H2BW1: variants seen among roughly 807,000 people sequenced by gnomAD.
The protein encoded by H2BW1 is histone H2B type W-T.
H2BW1 carries 9 observed loss-of-function variants against 8.0 expected under a neutral mutation model. That is an observed-to-expected ratio of 1.13 (90% CI 0.68 to 1.97). The LOEUF is 1.97. Ranked by LOEUF, H2BW1 falls within the 30% of genes most tolerant of loss-of-function variation. The pLI is 0.00. For missense variants in H2BW1, 137 were observed against 132.0 expected (o/e 1.04, Z -0.19); for synonymous variants, 58 against 54.7 (o/e 1.06, Z -0.26).
At chrX:104,012,823 CATA>C in intron 1 of H2BW1, 75 bp from the exon 2 acceptor site, 1 of 1,167,171 alleles carries the variant, frequency 8.6e-7, no homozygotes, top group South Asian at 1.9e-5. Context: ...ATAATATCAC[CATA>C]TAGATAGCCT....
rs1556337706 is a variant in H2BW1, at chrX:104,013,260, G to A, written c.317C>T (p.Thr106Ile). Residue 106 changes from threonine to isoleucine, a missense_variant, in exon 1 of 3, where the codon ACT becomes ATT. By Grantham distance (89) the Thr-to-Ile change is moderately conservative. Coordinates refer to ENST00000217926, the MANE Select transcript of H2BW1 (RefSeq NM_001002916.5). ...CACAGCCATCCGGGTCTCCCAGGCA[G>A]TGATGGTCTGGCGCTTGGTGGAGCG... ...LARSTKRQTITAWETRMAVRL... is the reference protein window; with the variant it reads ...LARSTKRQTIIAWETRMAVRL... 8.2e-7 allele frequency: 1 copy of A among 1,212,299 alleles called. No individual in the cohort carries two copies. Among genetic ancestry groups the A allele is most frequent in the African/African-American group, 1.7e-5 (1 of 58,002 alleles).
Position 104,013,220 on chromosome X carries a change from C to T in H2BW1, c.357G>A (p.Pro119=), listed in dbSNP as rs782240153. Reference sequence around the variant, plus strand: ...ACTCGGCGAGCTTGCCCATCTGCCCCGGCAGCAGCAGGCGCACAGCCATCC... The same window carrying T: ...ACTCGGCGAGCTTGCCCATCTGCCCTGGCAGCAGCAGGCGCACAGCCATCC... ...ETRMAVRLLL[P]GQMGKLAESE... Residue 119 remains proline, a synonymous_variant, in exon 1 of 3, where the codon CCG becomes CCA. Coordinates refer to ENST00000217926, the MANE Select transcript of H2BW1 (RefSeq NM_001002916.5). 37 of 1,209,801 alleles carry T rather than the reference C, an allele frequency of 3.1e-5. 1 individual carries two copies. The South Asian group carries it at 4.6e-4, about 15-fold the overall frequency.
Position 104,013,376 on chromosome X carries a change from G to T in H2BW1, c.201C>A (p.Gly67=), listed in dbSNP as rs149223854. ...TCACGGCCTCCCGGGAAAGGCTGAG[G>T]CCCTGGTGAACCTGCTTCAGCACCC... ...FRRVLKQVHQ[G]LSLSREAVSV... is the part of the protein sequence containing the mutation. Residue 67 remains glycine, a synonymous_variant, in exon 1 of 3, where the codon GGC becomes GGA. Transcript: ENST00000217926. 2 of 1,212,342 alleles carry T rather than the reference G, an allele frequency of 1.6e-6. No homozygotes were observed. Among genetic ancestry groups the T allele is most frequent in the Admixed American group, 2.2e-5 (1 of 46,160 alleles).
intron 1 of H2BW1, 79 bp from the exon 2 acceptor site, chrX:104,012,827 T>C: frequency 2.6e-6 from 3 of 1,161,722 alleles, no homozygotes; most frequent in Admixed American, 2.3e-5. Flanking sequence ...TATCACCATA[T>C]AGATAGCCTA....
rs1335564302 is a variant in H2BW1 at position 104,013,085 on chromosome X, G to A, written c.407+85C>T. 6.3e-6 allele frequency: 7 copies of A among 1,115,866 alleles called. No homozygotes were observed. In the African/African-American group the frequency reaches 1.1e-4, roughly 18 times the overall value. 92.0% of individuals were successfully genotyped at this position (1,115,866 alleles called of 1,213,427 possible). On this transcript the variant is annotated intron_variant, in intron 1 of 2. Transcript: ENST00000217926. Reference sequence around the variant, plus strand: ...CCTTGGCGAGCCACTGGTCTTTCAGGCCACATTCAGTGGCTCTGAAAAGAC... The same window carrying A: ...CCTTGGCGAGCCACTGGTCTTTCAGACCACATTCAGTGGCTCTGAAAAGAC...
chrX:104,013,659 A>C lies in H2BW1; in HGVS notation c.-83T>G, dbSNP rs201332803. 5 of 1,196,574 alleles carry C rather than the reference A, an allele frequency of 4.2e-6. No individual in the cohort carries two copies. Among genetic ancestry groups the C allele is most frequent in the Non-Finnish European group, 5.6e-6 (5 of 887,871 alleles). ...AAGCCGGGGCACTTCGGTACGCAGC[A>C]TGGCTCCACGTCTCGGGCCAGCTTC... On this transcript the variant is annotated 5_prime_UTR_variant, in exon 1 of 3. It removes an upstream start codon present in the reference 5' UTR. Coordinates refer to ENST00000217926, the MANE Select transcript of H2BW1 (RefSeq NM_001002916.5).
chrX:104,011,730 G>C (rs1556337261), intron 2 of H2BW1, among the ~76,000 whole-genome samples: 1 of 112,008 alleles, frequency 8.9e-6, no homozygotes, highest in East Asian at 2.8e-4. Context: ...AGAAAATTTT[G>C]ATTTTTGTCA....
rs1407330150 is a variant in H2BW1, at chrX:104,012,719, C to A, written c.437G>T (p.Arg146Ile). The A allele has an allele frequency of 8.3e-7, 1 of 1,210,121 alleles. No individual in the cohort carries two copies. The highest frequency in any genetic ancestry group is 3.0e-5 in the East Asian group (1 of 33,769). The change falls in exon 2 of 3, where the codon AGA becomes ATA. Residue 146 changes from arginine to isoleucine, a missense_variant. By Grantham distance (97) the Arg-to-Ile change is moderately conservative (BLOSUM62 -3). Transcript: ENST00000217926. Reference sequence around the variant, plus strand: ...CTTCTTGTATCAGCGTATTCACTTTCTCTGTTGCTGTATGGCATACAGTGA... The same window carrying A: ...CTTCTTGTATCAGCGTATTCACTTTATCTGTTGCTGTATGGCATACAGTGA... ...RTSLYAIQQQ[R>I]K
chrX:104,012,613 C>A, intron 2 of H2BW1, 77 bp downstream of exon 2: 1 of 1,194,840 alleles, frequency 8.4e-7, no homozygotes, highest in East Asian at 3.0e-5. Flanking sequence ...GCTGTATGTA[C>A]ACTGTAACTT....
chrX:104,013,432 G>A lies in H2BW1; in HGVS notation c.145C>T (p.Arg49Cys), dbSNP rs782483359. The change falls in exon 1 of 3, where the codon CGC becomes TGC. Residue 49 changes from arginine (R) to cysteine (C), a missense_variant. Arg to Cys is a radical substitution (Grantham distance 180). Coordinates refer to ENST00000217926, the MANE Select transcript of H2BW1 (RefSeq NM_001002916.5). ...HGPRRCHSNC[R>C]GDSFATYFRR... ...AAATAGGTGGCGAAGCTGTCCCCGCGGCAGTTGGAGTGGCACCTGCGGGGC... is the reference window on the plus strand; with the variant it reads ...AAATAGGTGGCGAAGCTGTCCCCGCAGCAGTTGGAGTGGCACCTGCGGGGC... The A allele has an allele frequency of 2.4e-5, 29 of 1,210,796 alleles. No individual in the cohort carries two copies. The highest frequency in any genetic ancestry group is 2.4e-4 in the Admixed American group (11 of 45,961).
At chrX:104,013,140 C>A in intron 1 of H2BW1, 30 bp downstream of exon 1, 4 of 1,180,514 alleles carry the variant, frequency 3.4e-6, no homozygotes, top group Non-Finnish European at 4.5e-6. Flanking sequence ...CTCGGGTGCT[C>A]CTGAGGGAGC....
Position 104,012,679 on chromosome X carries a change from A to G in H2BW1, c.*22+11T>C. 8.3e-7 allele frequency: 1 copy of G among 1,211,500 alleles called. No homozygotes were observed. Among genetic ancestry groups the G allele is most frequent in the South Asian group, 1.8e-5 (1 of 56,916 alleles). Reference sequence around the variant, plus strand: ...GATGGGAGCGGTGTTGAAAACATTTAGGAGGGTTACCTTGCTTCTTGTATC... The same window carrying G: ...GATGGGAGCGGTGTTGAAAACATTTGGGAGGGTTACCTTGCTTCTTGTATC... On this transcript the variant is annotated intron_variant, in intron 2 of 2. Coordinates refer to ENST00000217926, the MANE Select transcript of H2BW1 (RefSeq NM_001002916.5).
At chrX:104,012,185 AG>A (rs782347478) in intron 2 of H2BW1, among the ~76,000 whole-genome samples, 2 of 112,550 alleles carry the variant, frequency 1.8e-5, no homozygotes, top group Admixed American at 9.4e-5. Flanking sequence ...ACTTGATGCT[AG>A]GGGCAAGGAA....
At chrX:104,013,062 T>A in intron 1 of H2BW1, 108 bp downstream of exon 1, 1 of 1,069,705 alleles carries the variant, frequency 9.3e-7, no homozygotes, top group Admixed American at 3.0e-5. Flanking sequence ...GGTGTCCCCC[T>A]TGGCGAGCCA....
rs782445882 is a variant in H2BW1 at position 104,013,245 on chromosome X, C to A, written c.332G>T (p.Arg111Leu). ...CGGCAGCAGCAGGCGCACAGCCATC[C>A]GGGTCTCCCAGGCAGTGATGGTCTG... ...KRQTITAWET[R>L]MAVRLLLPGQ... Residue 111 changes from arginine (R) to leucine (L), a missense_variant, in exon 1 of 3, where the codon CGG becomes CTG. Coordinates refer to ENST00000217926, the MANE Select transcript of H2BW1 (RefSeq NM_001002916.5). The A allele has an allele frequency of 1.7e-6, 2 of 1,211,956 alleles. No homozygotes were observed. Among genetic ancestry groups the A allele is most frequent in the East Asian group, 5.9e-5 (2 of 33,842 alleles).
chrX:104,013,499 C>T lies in H2BW1; in HGVS notation c.78G>A (p.Thr26=). The change falls in exon 1 of 3, where the codon ACG becomes ACA. Residue 26 remains threonine (T), a synonymous_variant. Transcript: ENST00000217926. ...TQEPKEANST[T]SQKQSKQRKR... The stretch of plus-strand genomic sequence containing the variant: ...TCCTCTGCTTGCTCTGCTTCTGGGA[C>T]GTAGTGGAGTTGGCCTCTTTGGGCT... 8.3e-7 allele frequency: 1 copy of T among 1,211,834 alleles called. No homozygotes were observed. The highest frequency in any genetic ancestry group is 1.1e-6 in the Non-Finnish European group (1 of 895,513).
chrX:104,011,665 T>C (rs1556337248), intron 2 of H2BW1, among the ~76,000 whole-genome samples: 1 of 111,696 alleles, frequency 9.0e-6, no homozygotes, highest in Non-Finnish European at 1.9e-5. Context: ...GAATAATCTA[T>C]GTGGCTATGT....
At chrX:104,012,082 C>T (rs782007452) in intron 2 of H2BW1, among the ~76,000 whole-genome samples, 5 of 111,828 alleles carry the variant, frequency 4.5e-5, no homozygotes, top group Admixed American at 9.5e-5. Flanking sequence ...GAAAGCTAAC[C>T]TATATTAACA....
Position 104,012,862 on chromosome X carries a change from G to A in H2BW1, c.408-114C>T, listed in dbSNP as rs190160203. Reference sequence around the variant, plus strand: ...AGAAACATAACTAACAAAAATGACCGTTTACGAAACTGAGGAAATGAAACA... The same window carrying A: ...AGAAACATAACTAACAAAAATGACCATTTACGAAACTGAGGAAATGAAACA... On this transcript the variant is annotated intron_variant, in intron 1 of 2. Coordinates refer to ENST00000217926, the MANE Select transcript of H2BW1 (RefSeq NM_001002916.5). The A allele has an allele frequency of 6.9e-5, 75 of 1,092,797 alleles. 1 individual carries two copies. In the South Asian group the frequency reaches 7.8e-4, roughly 11 times the overall value. The allele number at this position is 1,092,797 out of a possible 1,213,427, so 90.1% of individuals were successfully genotyped here. A position where few individuals can be genotyped will look rare whatever the true frequency, so the allele number is the denominator to read the frequency against.
Sources: allele counts gnomAD v4.1 joint callset (sites outside exome capture counted in the v4.1 genomes callset), GRCh38; gene constraint gnomAD v4.1.1; transcripts MANE v1.5; gene names NCBI Gene and HGNC (gene_info 2026-07-23, HGNC 2026-07-21).